TNR: variants seen among roughly 807,000 people sequenced by gnomAD.
TNR encodes the protein tenascin R, also known as tenascin-R.
Under a neutral mutation model 150.4 loss-of-function variants are expected in TNR, and 45 were observed. The observed-to-expected ratio is 0.30, with a 90% CI of 0.24 to 0.38. TNR has a LOEUF of 0.38. Ranked by LOEUF, TNR falls within the 10% of genes least tolerant of loss-of-function variation. The probability of loss-of-function intolerance (pLI) is 1.00; values close to 1 mark genes in which losing one functional copy is unlikely to be tolerated. For synonymous variants in TNR, 687 were observed against 678.4 expected (o/e 1.01, Z -0.20); for missense variants, 1,544 against 1,759.1 (o/e 0.88, Z 2.19).
intron 1 of TNR, among the ~76,000 whole-genome samples, chr1:175,579,930 C>T (rs970190563): frequency 2.6e-5 from 4 of 152,008 alleles, no homozygotes; most frequent in Non-Finnish European, 5.9e-5. Context: ...CTATTGGTCC[C>T]CATGGCAACT....
intron 2 of TNR, among the ~76,000 whole-genome samples, chr1:175,432,834 G>A (rs1225792170): frequency 6.6e-6 from 1 of 152,082 alleles, no homozygotes. Flanking sequence ...GTTATTTGGG[G>A]TCATACTGCA....
chr1:175,507,610 A>C (rs569857360), intron 2 of TNR, among the ~76,000 whole-genome samples: 1 of 151,202 alleles, frequency 6.6e-6, no homozygotes, highest in African/African-American at 2.4e-5. Context: ...CCTCAACCTT[A>C]TTCTTGCTCT....
intron 1 of TNR, among the ~76,000 whole-genome samples, chr1:175,536,271 C>CT (rs1660278221): frequency 6.6e-6 from 1 of 152,112 alleles, no homozygotes; most frequent in African/African-American, 2.4e-5. Context: ...TCAACCATGC[C>CT]TTTTTTATGG....
At chr1:175,397,100 T>C (rs1375274971) in intron 4 of TNR, among the ~76,000 whole-genome samples, 1 of 152,224 alleles carries the variant, frequency 6.6e-6, no homozygotes, top group African/African-American at 2.4e-5. Context: ...AATACAGCCA[T>C]TATTAAAGAT....
chr1:175,575,582 C>A (rs1217665899), intron 1 of TNR, among the ~76,000 whole-genome samples: 1 of 152,092 alleles, frequency 6.6e-6, no homozygotes, highest in Non-Finnish European at 1.5e-5. Context: ...CAGTCAGAGG[C>A]TAAAGAGGAG....
chr1:175,511,658 T>A (rs1659178895), intron 2 of TNR, among the ~76,000 whole-genome samples: 1 of 152,180 alleles, frequency 6.6e-6, no homozygotes, highest in African/African-American at 2.4e-5. Context: ...AAGACAGGGA[T>A]GCTAAGGAAA....
At chr1:175,715,959 C>T (rs770161536) in intron 1 of TNR, among the ~76,000 whole-genome samples, 4 of 152,190 alleles carry the variant, frequency 2.6e-5, no homozygotes, top group East Asian at 1.9e-4. Context: ...TGTCTGAGCA[C>T]GGAGCTATTG....
chr1:175,319,177 G>A lies in TNR; in HGVS notation c.*4180C>T, dbSNP rs1648922166. On this transcript the variant is annotated 3_prime_UTR_variant, in exon 23 of 23. Coordinates refer to ENST00000367674, the MANE Select transcript of TNR (RefSeq NM_003285.3). ...ACCTTTCCTGAAATTCTGGGTGGAG[G>A]TTACAAAAAAGAAAAAGAAAAAGAA... 2 of 152,134 alleles carry A rather than the reference G, an allele frequency of 1.3e-5. No homozygotes were observed. Among genetic ancestry groups the A allele is most frequent in the African/African-American group, 2.4e-5 (1 of 41,406 alleles). The allele number at this position is 152,134 out of a possible 1,614,324, so 9.4% of individuals were successfully genotyped here.
rs1469392834 is a variant in TNR at position 175,674,102 on chromosome 1, G to C, written c.-165+69124C>G. Among the ~76,000 whole-genome samples, 3 of 152,168 alleles carry C rather than the reference G, an allele frequency of 2.0e-5. No individual in the cohort carries two copies. In the East Asian group the frequency reaches 5.8e-4, roughly 29 times the overall value. On this transcript the variant is annotated intron_variant, in intron 1 of 22. Transcript: ENST00000367674. The stretch of plus-strand genomic sequence containing the variant: ...TATGGTGGTGCAGGGAACTGGGGGA[G>C]TGAGGGTCTAAAACCAGGTGCCCAT...
intron 4 of TNR, among the ~76,000 whole-genome samples, chr1:175,400,247 T>G (rs1417226256): frequency 6.6e-6 from 1 of 152,216 alleles, no homozygotes; most frequent in Non-Finnish European, 1.5e-5. Context: ...CTTTAAAATT[T>G]TTATTTTTCA....
intron 2 of TNR, among the ~76,000 whole-genome samples, chr1:175,440,975 G>A (rs921340324): frequency 1.3e-4 from 20 of 152,132 alleles, no homozygotes; most frequent in African/African-American, 4.8e-4. Flanking sequence ...ACTGTATATG[G>A]CCATAAAGGC....
At chr1:175,642,882 G>T (rs1295094667) in intron 1 of TNR, among the ~76,000 whole-genome samples, 1 of 152,202 alleles carries the variant, frequency 6.6e-6, no homozygotes, top group Non-Finnish European at 1.5e-5. Flanking sequence ...AGTGAGCTAT[G>T]ATTGCACTAT....
chr1:175,503,120 G>A lies in TNR; in HGVS notation c.-64+25149C>T, dbSNP rs189972861. On this transcript the variant is annotated intron_variant, in intron 2 of 22. Coordinates refer to ENST00000367674, the MANE Select transcript of TNR (RefSeq NM_003285.3). Reference sequence around the variant, plus strand: ...GAGTGGACACAGGTCCATATGAACAGCCAGTACACGTTGCTGAGGATGACT... The same window carrying A: ...GAGTGGACACAGGTCCATATGAACAACCAGTACACGTTGCTGAGGATGACT... Among the ~76,000 whole-genome samples, 1,181 of 152,308 alleles carry A rather than the reference G, an allele frequency of 7.8e-3. 13 individuals are homozygous for A. Among genetic ancestry groups the A allele is most frequent in the Middle Eastern group, 0.037 (11 of 294 alleles).
At chr1:175,591,674 T>G (rs1662803559) in intron 1 of TNR, among the ~76,000 whole-genome samples, 1 of 152,214 alleles carries the variant, frequency 6.6e-6, no homozygotes, top group Non-Finnish European at 1.5e-5. Context: ...AATGTGGTTT[T>G]GAAACTTGGT....
At chr1:175,363,980 G>T (rs868380116) in intron 12 of TNR, among the ~76,000 whole-genome samples, 153 bp from the exon 13 acceptor site, 20 of 152,268 alleles carry the variant, frequency 1.3e-4, no homozygotes, top group South Asian at 2.1e-4. Context: ...CCATGGTCAC[G>T]CTGATGTTTC....
chr1:175,326,010 A>G (rs1649368571), intron 21 of TNR, among the ~76,000 whole-genome samples: 1 of 152,160 alleles, frequency 6.6e-6, no homozygotes, highest in South Asian at 2.1e-4. Flanking sequence ...TAGAACTTAG[A>G]GTGTAATAAA....
At chr1:175,342,997 C>T (rs1304543262) in intron 18 of TNR, among the ~76,000 whole-genome samples, 3 of 152,150 alleles carry the variant, frequency 2.0e-5, no homozygotes, top group African/African-American at 7.2e-5. Flanking sequence ...TTCAACATGG[C>T]AAGGGAGGGC....
chr1:175,610,420 T>C (rs1663556679), intron 1 of TNR, among the ~76,000 whole-genome samples: 1 of 152,224 alleles, frequency 6.6e-6, no homozygotes, highest in South Asian at 2.1e-4. Flanking sequence ...CAGCTCTTCA[T>C]TCCTGGCCAA....
chr1:175,449,587 C>G (rs1402760905), intron 2 of TNR, among the ~76,000 whole-genome samples: 1 of 152,120 alleles, frequency 6.6e-6, no homozygotes, highest in African/African-American at 2.4e-5. Flanking sequence ...TGCTGCCTGT[C>G]CCTGGAAAGG....
Sources: allele counts gnomAD v4.1 joint callset (sites outside exome capture counted in the v4.1 genomes callset), GRCh38; gene constraint gnomAD v4.1.1; transcripts MANE v1.5; gene names NCBI Gene and HGNC (gene_info 2026-07-23, HGNC 2026-07-21).